LZTFL1: variants seen among roughly 807,000 people sequenced by gnomAD.
The protein encoded by LZTFL1 is leucine zipper transcription factor-like protein 1.
Under a neutral mutation model 45.9 loss-of-function variants are expected in LZTFL1, and 25 were observed. The observed-to-expected ratio is 0.54, with a 90% CI of 0.40 to 0.76. LZTFL1 has a LOEUF of 0.76. Among genes scored for constraint, LZTFL1 ranks in the 30% least tolerant of loss-of-function variants. LZTFL1 has a pLI of 0.00. For missense variants in LZTFL1, 277 were observed against 331.1 expected (o/e 0.84, Z 1.27); for synonymous variants, 93 against 117.4 (o/e 0.79, Z 1.35).
chr3:45,856,642 G>T (rs762282784), intron 3 of LZTFL1, among the ~76,000 whole-genome samples: 4 of 151,836 alleles, frequency 2.6e-5, no homozygotes, highest in Non-Finnish European at 5.9e-5. Context: ...ATCTAACAAA[G>T]GTCTAATATC....
At chr3:45,830,764 C>T (rs1395325097) in intron 7 of LZTFL1, 149 bp downstream of exon 7, 1 of 684,686 alleles carries the variant, frequency 1.5e-6, no homozygotes, top group Non-Finnish European at 2.5e-6. Context: ...CTTTTGGGGG[C>T]AAGAATGTCC....
At position 45,830,912 on chromosome 3, in the gene LZTFL1, C is replaced by T; in HGVS notation, c.600+1G>A. ...AGAAAGGTAGCTAAAACTTGTTTCACCTTTTGATTTCCTTGATCAAGCTGT... is the reference window on the plus strand; with the variant it reads ...AGAAAGGTAGCTAAAACTTGTTTCATCTTTTGATTTCCTTGATCAAGCTGT... On this transcript the variant is annotated splice_donor_variant, in intron 7 of 9. Coordinates refer to ENST00000296135, the MANE Select transcript of LZTFL1 (RefSeq NM_020347.4). LOFTEE classifies it high-confidence loss of function. The T allele has an allele frequency of 6.2e-7, 1 of 1,613,068 alleles. No individual in the cohort carries two copies. Among genetic ancestry groups the T allele is most frequent in the Non-Finnish European group, 8.5e-7 (1 of 1,179,348 alleles).
chr3:45,827,380 T>C lies in LZTFL1; in HGVS notation c.857A>G (p.Lys286Arg). ...CTGTGCCAGTCTTTTCCTCAGATCT[T>C]TGATTTGGTCATTCTTCTTGGTAAG... is the stretch of plus-strand genomic sequence containing the variant. ...EILTKKNDQI[K>R]DLRKRLAQYE... The change falls in exon 9 of 10, where the codon AAA becomes AGA. Residue 286 changes from lysine to arginine, a missense_variant. By Grantham distance (26) the Lys-to-Arg change is conservative. Transcript: ENST00000296135. The C allele has an allele frequency of 6.2e-7, 1 of 1,613,520 alleles. No individual in the cohort carries two copies. Among genetic ancestry groups the C allele is most frequent in the Non-Finnish European group, 8.5e-7 (1 of 1,179,458 alleles).
At chr3:45,835,025 C>T (rs1700927092) in intron 3 of LZTFL1, 1 of 152,916 alleles carries the variant, frequency 6.5e-6, no homozygotes, top group Non-Finnish European at 1.5e-5. Context: ...GTCAGTCCTT[C>T]CTGATTTCTG....
At chr3:45,912,650 T>G (rs1322833944) in intron 2 of LZTFL1, among the ~76,000 whole-genome samples, 2 of 152,200 alleles carry the variant, frequency 1.3e-5, no homozygotes, top group Non-Finnish European at 2.9e-5. Flanking sequence ...AGCCTTTCTT[T>G]GACCAACTGA....
intron 2 of LZTFL1, among the ~76,000 whole-genome samples, chr3:45,892,544 C>CA (rs1396904386): frequency 6.6e-6 from 1 of 152,132 alleles, no homozygotes; most frequent in Admixed American, 6.5e-5. Flanking sequence ...GAATAACAGA[C>CA]ACTGGGACCC....
At chr3:45,882,378 A>G (rs1431331749) in intron 2 of LZTFL1, among the ~76,000 whole-genome samples, 1 of 152,240 alleles carries the variant, frequency 6.6e-6, no homozygotes, top group East Asian at 1.9e-4. Flanking sequence ...TAAGGCGTTA[A>G]TCAATGAAAA....
intron 2 of LZTFL1, among the ~76,000 whole-genome samples, chr3:45,877,287 G>T (rs951878532): frequency 6.8e-6 from 1 of 148,086 alleles, no homozygotes. Flanking sequence ...AGGCTGGAGT[G>T]CAATGGTGCC....
At chr3:45,876,524 GA>G (rs149077577) in intron 2 of LZTFL1, among the ~76,000 whole-genome samples, 54 of 152,278 alleles carry the variant, frequency 3.5e-4, no homozygotes, top group African/African-American at 1.1e-3. Flanking sequence ...GAGCTGGATA[GA>G]CCCCAGAGGT....
At chr3:45,836,633 C>T (rs1206333761) in intron 2 of LZTFL1, among the ~76,000 whole-genome samples, 2 of 152,022 alleles carry the variant, frequency 1.3e-5, no homozygotes, top group Admixed American at 6.5e-5. Flanking sequence ...CCAGCCTGGG[C>T]GACAAAGTGA....
At chr3:45,915,582 A>G in exon 1 of LZTFL1, 1 of 448,632 alleles carries the variant, frequency 2.2e-6, no homozygotes, top group Non-Finnish European at 4.5e-6. Flanking sequence ...CCTGTCCTAG[A>G]AACAAGGACT....
At chr3:45,842,319 G>A (rs1039326498), upstream of LZTFL1, among the ~76,000 whole-genome samples, 1 of 152,270 alleles carries the variant, frequency 6.6e-6, no homozygotes, top group Middle Eastern at 3.2e-3. Context: ...GGGTTGGGCT[G>A]CCTGGAGTTG....
At chr3:45,841,916 C>A in intron 1 of LZTFL1, 73 bp downstream of exon 1, 1 of 1,570,246 alleles carries the variant, frequency 6.4e-7, no homozygotes, top group Non-Finnish European at 8.7e-7. Context: ...TCCGGGCCCA[C>A]CCGCTCAGTG....
intron 2 of LZTFL1, among the ~76,000 whole-genome samples, chr3:45,837,675 C>A (rs1356628402): frequency 4.6e-5 from 7 of 152,210 alleles, no homozygotes; most frequent in African/African-American, 1.7e-4. Context: ...TGGCAACTTC[C>A]TTCTCAAACT....
chr3:45,844,364 G>A (rs1476821669), upstream of LZTFL1, among the ~76,000 whole-genome samples: 1 of 152,110 alleles, frequency 6.6e-6, no homozygotes, highest in Non-Finnish European at 1.5e-5. Flanking sequence ...AGCCCCAGCT[G>A]CCCCTGCACT....
chr3:45,859,880 GCCC>G (rs1701456480), intron 2 of LZTFL1, among the ~76,000 whole-genome samples: 1 of 152,020 alleles, frequency 6.6e-6, no homozygotes, highest in African/African-American at 2.4e-5. Context: ...CAAGTGATCT[GCCC>G]GTATATAGCA....
In LZTFL1 at chr3:45,899,683, G is replaced by A. The variant is rs1019581271; in HGVS notation, c.-215+13437C>T. On this transcript the variant is annotated intron_variant, in intron 2 of 4. Transcript: ENST00000472635. ...GGGAGCCCTCAGAAGGAAACTGGTG[G>A]GAAGTGAGAGCGCTTGAAGATCTGT... is the stretch of plus-strand genomic sequence containing the variant. Among the ~76,000 whole-genome samples the A allele has an allele frequency of 2.6e-4, 39 of 152,190 alleles. 1 individual carries two copies. Among genetic ancestry groups the A allele is most frequent in the Admixed American group, 2.2e-3 (34 of 15,282 alleles).
intron 2 of LZTFL1, among the ~76,000 whole-genome samples, chr3:45,885,346 C>G (rs1701951371): frequency 6.6e-6 from 1 of 152,204 alleles, no homozygotes; most frequent in Non-Finnish European, 1.5e-5. Flanking sequence ...GAAGTCCCCA[C>G]TGTAGCAGTG....
intron 2 of LZTFL1, among the ~76,000 whole-genome samples, chr3:45,882,588 A>G (rs1701879118): frequency 6.6e-6 from 1 of 152,188 alleles, no homozygotes; most frequent in Non-Finnish European, 1.5e-5. Context: ...GATACTTGGT[A>G]TATTGGAATG....
Sources: allele counts gnomAD v4.1 joint callset (sites outside exome capture counted in the v4.1 genomes callset), GRCh38; gene constraint gnomAD v4.1.1; transcripts MANE v1.5; gene names NCBI Gene and HGNC (gene_info 2026-07-23, HGNC 2026-07-21).